The following COQ5 variants were observed in gnomAD, a reference collection of about 807,000 sequenced individuals.
COQ5 encodes the protein 2-methoxy-6-polyprenyl-1,4-benzoquinol methylase, mitochondrial.
In COQ5, 27 loss-of-function variants were observed where a neutral mutation model predicts 40.5. The observed-to-expected ratio is 0.67, with a 90% CI of 0.49 to 0.92. The LOEUF (loss-of-function observed/expected upper bound fraction) is 0.92. Among genes scored for constraint, COQ5 ranks in the 40% least tolerant of loss-of-function variants. The probability of loss-of-function intolerance (pLI) is 0.00; values close to 1 mark genes in which losing one functional copy is unlikely to be tolerated. For missense variants in COQ5, 409 were observed against 406.4 expected, an observed-to-expected ratio of 1.01 and a Z score of -0.06; for synonymous variants, 141 against 150.0, an observed-to-expected ratio of 0.94 and a Z score of 0.44.
chr12:120,513,299 C>G (rs1423603195), intron 3 of COQ5, among the ~76,000 whole-genome samples: 1 of 149,646 alleles, frequency 6.7e-6, no homozygotes, highest in East Asian at 2.1e-4. Flanking sequence ...GTCAGGAGAT[C>G]GAGACCATCC....
chr12:120,528,586 G>A (rs1021472524), intron 1 of COQ5, among the ~76,000 whole-genome samples: 1 of 152,096 alleles, frequency 6.6e-6, no homozygotes, highest in African/African-American at 2.4e-5. Flanking sequence ...CGAGGCAGGC[G>A]AATCACCTGA....
At chr12:120,526,632 C>T in intron 1 of COQ5, 2 of 284,906 alleles carry the variant, frequency 7.0e-6, no homozygotes, top group South Asian at 6.1e-5. Flanking sequence ...GGCAATTTGC[C>T]AAGGCATAGA....
intron 5 of COQ5, 159 bp downstream of exon 5, chr12:120,504,736 A>G (rs1868803827): frequency 1.4e-6 from 1 of 697,440 alleles, no homozygotes; most frequent in African/African-American, 1.8e-5. Context: ...GTCTGGTTTG[A>G]GACTCTTGTG....
At chr12:120,521,679 C>CAA (rs71076625) in intron 2 of COQ5, among the ~76,000 whole-genome samples, 2,026 of 114,088 alleles carry the variant, frequency 0.018, 53 homozygotes, top group African/African-American at 0.061. Context: ...ACTCCATCTC[C>CAA]AAAAAAAAAA....
At chr12:120,510,206 GA>G in intron 3 of COQ5, 83 bp from the exon 4 acceptor site, 1 of 1,079,486 alleles carries the variant, frequency 9.3e-7, no homozygotes, top group South Asian at 1.3e-5. Context: ...GTAGAGCATT[GA>G]GCTGGAGAGC....
At chr12:120,515,344 C>G (rs370363438) in intron 3 of COQ5, among the ~76,000 whole-genome samples, 3 of 152,240 alleles carry the variant, frequency 2.0e-5, no homozygotes, top group African/African-American at 4.8e-5. Context: ...TCACCCTCAG[C>G]GTTCCAAAGT....
chr12:120,509,905 C>G (rs1166564796), intron 4 of COQ5, 112 bp downstream of exon 4: 1 of 818,924 alleles, frequency 1.2e-6, no homozygotes, highest in Non-Finnish European at 2.1e-6. Context: ...GGGCAACATA[C>G]CAAGACCCCA....
chr12:120,515,814 A>G (rs891068150), intron 3 of COQ5, among the ~76,000 whole-genome samples: 2 of 152,220 alleles, frequency 1.3e-5, no homozygotes, highest in African/African-American at 2.4e-5. Flanking sequence ...AGCTGCCACA[A>G]AAGAGCCTGG....
At chr12:120,517,339 C>T (rs908474786) in intron 2 of COQ5, among the ~76,000 whole-genome samples, 21 of 146,096 alleles carry the variant, frequency 1.4e-4, no homozygotes, top group African/African-American at 4.3e-4. Context: ...GTGACAAAAG[C>T]GAAACTCCGT....
intron 3 of COQ5, among the ~76,000 whole-genome samples, chr12:120,512,007 C>G (rs1195461666): frequency 6.6e-6 from 1 of 151,714 alleles, no homozygotes; most frequent in Non-Finnish European, 1.5e-5. Context: ...GTCAGGAGTT[C>G]AAGACCATCC....
At chr12:120,524,506 C>T (rs1029504133) in intron 1 of COQ5, among the ~76,000 whole-genome samples, 3 of 152,006 alleles carry the variant, frequency 2.0e-5, no homozygotes, top group South Asian at 2.1e-4. Context: ...GTGATCCGCC[C>T]GCCTCGGCCT....
chr12:120,511,485 C>T lies in COQ5; in HGVS notation c.575-1362G>A, dbSNP rs200795030. 2.0e-4 allele frequency among the ~76,000 whole-genome samples: 30 copies of T among 151,898 alleles called. No homozygotes were observed. In the East Asian group the frequency reaches 5.1e-3, roughly 26 times the overall value. On this transcript the variant is annotated intron_variant, in intron 3 of 6. Transcript: ENST00000288532. ...TGTTTCAGGTCAGCAAAGTGAACAT[C>T]AGAAAGGTTTAAAGTCTGAGCTGAG...
At position 120,513,450 on chromosome 12, in the gene COQ5, C is replaced by T. The variant is rs1316179780; in HGVS notation, c.574+3117G>A. On this transcript the variant is annotated intron_variant, in intron 3 of 6. Transcript: ENST00000288532. The stretch of plus-strand genomic sequence containing the variant: ...CCGGGAGGCGGAGCTTGCAGTGAGC[C>T]GAGATTGCGCCACTGCACTCCAGCC... Among the ~76,000 whole-genome samples the T allele has an allele frequency of 1.5e-4, 22 of 148,538 alleles. 1 individual carries two copies. The East Asian group carries it at 3.6e-3, about 24-fold the overall frequency.
chr12:120,528,932 C>G lies in COQ5; in HGVS notation c.202+8G>C, dbSNP rs749232178. 1 of 1,613,854 alleles carries G rather than the reference C, an allele frequency of 6.2e-7. No homozygotes were observed. The highest frequency in any genetic ancestry group is 1.1e-5 in the South Asian group (1 of 91,080). ...GATCCCTCCCATCCGCCCTCTCGCC[C>G]CTTTCACCTTTGCCCCCCTTCTCCT... is the stretch of plus-strand genomic sequence containing the variant. On this transcript the variant is annotated splice_region_variant and intron_variant, in intron 1 of 6. Coordinates refer to ENST00000288532, the MANE Select transcript of COQ5 (RefSeq NM_032314.4).
At position 120,506,568 on chromosome 12, in the gene COQ5, T is replaced by C. The variant is rs144539896; in HGVS notation, c.682-1585A>G. On this transcript the variant is annotated intron_variant, in intron 4 of 6. Coordinates refer to ENST00000288532, the MANE Select transcript of COQ5 (RefSeq NM_032314.4). ...TTTTAGTAGAGATGGAGTTTCGCCA[T>C]GTTGGCCAGGCTGGTCTTGAACTAG... Among the ~76,000 whole-genome samples the C allele has an allele frequency of 9.1e-3, 1,385 of 152,138 alleles. 16 individuals carry two copies. The highest frequency in any genetic ancestry group is 0.032 in the African/African-American group (1,314 of 41,502).
chr12:120,519,138 A>C (rs1869527055), intron 2 of COQ5, among the ~76,000 whole-genome samples: 2 of 152,066 alleles, frequency 1.3e-5, no homozygotes, highest in South Asian at 4.1e-4. Context: ...GATATGCCTT[A>C]ATTTAAAGCC....
chr12:120,510,057 G>A lies in COQ5; in HGVS notation c.641C>T (p.Thr214Ile). The change falls in exon 4 of 7, where the codon ACC becomes ATC. Residue 214 changes from threonine to isoleucine, a missense_variant. Physicochemically the swap from Thr to Ile is moderately conservative, Grantham distance 89. Coordinates refer to ENST00000288532, the MANE Select transcript of COQ5 (RefSeq NM_032314.4). The stretch of plus-strand genomic sequence containing the variant: ...GACATTCCGGATCCCAAAGGCAATG[G>A]TGTAAATATCAAACTTGTCATCATC... ...PFDDDKFDIYTIAFGIRNVTH... is the reference protein window; with the variant it reads ...PFDDDKFDIYIIAFGIRNVTH... The A allele has an allele frequency of 1.2e-6, 2 of 1,614,080 alleles. No individual in the cohort carries two copies. Among genetic ancestry groups the A allele is most frequent in the Non-Finnish European group, 1.7e-6 (2 of 1,179,982 alleles).
intron 2 of COQ5, among the ~76,000 whole-genome samples, chr12:120,521,679 CA>C (rs71076625): frequency 0.75 from 85,718 of 113,910 alleles, 31,821 homozygotes; most frequent in East Asian, 0.82. Context: ...ACTCCATCTC[CA>C]AAAAAAAAAA....
At chr12:120,514,500 G>A (rs1869287718) in intron 3 of COQ5, among the ~76,000 whole-genome samples, 3 of 151,926 alleles carry the variant, frequency 2.0e-5, no homozygotes, top group Admixed American at 2.0e-4. Flanking sequence ...CAACACTTTG[G>A]GAGGAATGGG....
Sources: allele counts gnomAD v4.1 joint callset (sites outside exome capture counted in the v4.1 genomes callset), GRCh38; gene constraint gnomAD v4.1.1; transcripts MANE v1.5; gene names NCBI Gene and HGNC (gene_info 2026-07-23, HGNC 2026-07-21).